The following SLC5A8 variants were observed in gnomAD, a reference collection of about 807,000 sequenced individuals.
SLC5A8 encodes the protein sodium-coupled monocarboxylate transporter 1.
Under a neutral mutation model 71.9 loss-of-function variants are expected in SLC5A8, and 55 were observed. The observed-to-expected ratio is 0.77, with a 90% CI of 0.62 to 0.96. The LOEUF (loss-of-function observed/expected upper bound fraction) is 0.96. Ranked by LOEUF, SLC5A8 falls within the 40% of genes least tolerant of loss-of-function variation. SLC5A8 has a pLI of 0.00. For missense variants in SLC5A8, 701 were observed against 745.3 expected (o/e 0.94, Z 0.69); for synonymous variants, 307 against 276.1 (o/e 1.11, Z -1.11).
chr12:101,158,059 T>C (rs2051683662), intron 14 of SLC5A8, among the ~76,000 whole-genome samples, 190 bp downstream of exon 14: 1 of 152,152 alleles, frequency 6.6e-6, no homozygotes, highest in African/African-American at 2.4e-5. Context: ...TCAGAGGATA[T>C]GGAGCTATAA....
At chr12:101,193,821 C>CA in intron 4 of SLC5A8, 42 bp from the exon 5 acceptor site, 1 of 1,594,906 alleles carries the variant, frequency 6.3e-7, no homozygotes, top group Non-Finnish European at 8.6e-7. Context: ...TTCTATTAGA[C>CA]ATTATTAAGC....
In SLC5A8 at chr12:101,187,368, A is replaced by G. The variant is rs181788493; in HGVS notation, c.963+18T>C. On this transcript the variant is annotated intron_variant, in intron 7 of 14. Coordinates refer to ENST00000536262, the MANE Select transcript of SLC5A8 (RefSeq NM_145913.5). ...TGAATATTATTAATACACCTGTAAGAAAGACATGGTACTGAACCTGGTCTG... is the reference window on the plus strand; with the variant it reads ...TGAATATTATTAATACACCTGTAAGGAAGACATGGTACTGAACCTGGTCTG... The G allele has an allele frequency of 9.7e-4, 1,549 of 1,604,116 alleles. 14 individuals are homozygous for G. The African/African-American group carries it at 0.017, about 17-fold the overall frequency.
At chr12:101,185,736 G>A (rs1443918556) in intron 7 of SLC5A8, among the ~76,000 whole-genome samples, 4 of 151,900 alleles carry the variant, frequency 2.6e-5, no homozygotes, top group East Asian at 3.9e-4. Flanking sequence ...CCACCACCAC[G>A]CCCGGCTAAT....
In SLC5A8 at chr12:101,157,251, T is replaced by C. The variant is rs572841913; in HGVS notation, c.*28A>G. ...GAAAACATATAAAATTGAAACATCA[T>C]TTAAGGATATCTAGTATCAGAGCAG... On this transcript the variant is annotated 3_prime_UTR_variant, in exon 15 of 15. Transcript: ENST00000536262. The C allele has an allele frequency of 1.9e-6, 3 of 1,602,414 alleles. No homozygotes were observed. The South Asian group carries it at 3.3e-5, about 18-fold the overall frequency.
chr12:101,162,308 A>G (rs1406256601), intron 12 of SLC5A8, among the ~76,000 whole-genome samples: 1 of 152,238 alleles, frequency 6.6e-6, no homozygotes, highest in Non-Finnish European at 1.5e-5. Context: ...ATTCTGCATG[A>G]TGTCCCAGGC....
At chr12:101,181,677 A>C (rs1246473330) in intron 9 of SLC5A8, among the ~76,000 whole-genome samples, 1 of 152,226 alleles carries the variant, frequency 6.6e-6, no homozygotes, top group Non-Finnish European at 1.5e-5. Flanking sequence ...GTCTGGCTTC[A>C]AAAGCATCTA....
intron 7 of SLC5A8, among the ~76,000 whole-genome samples, chr12:101,184,496 A>T (rs982934078): frequency 2.0e-5 from 3 of 152,250 alleles, no homozygotes; most frequent in Non-Finnish European, 4.4e-5. Flanking sequence ...GAATAGTTGT[A>T]ATAATACTAA....
chr12:101,187,349 T>G lies in SLC5A8; in HGVS notation c.963+37A>C, dbSNP rs757677243. On this transcript the variant is annotated intron_variant, in intron 7 of 14. Coordinates refer to ENST00000536262, the MANE Select transcript of SLC5A8 (RefSeq NM_145913.5). ...TCTCAACTAATAAGCTTTTTGAATA[T>G]TATTAATACACCTGTAAGAAAGACA... 5.0e-6 allele frequency: 8 copies of G among 1,585,864 alleles called. No individual in the cohort carries two copies. The African/African-American group carries it at 8.1e-5, about 16-fold the overall frequency.
intron 11 of SLC5A8, among the ~76,000 whole-genome samples, chr12:101,167,623 G>T (rs2051785933): frequency 6.6e-6 from 1 of 152,150 alleles, no homozygotes; most frequent in African/African-American, 2.4e-5. Flanking sequence ...ACCCCTTTGG[G>T]GCTAAATCAT....
At chr12:101,175,238 A>T (rs928652475) in intron 10 of SLC5A8, among the ~76,000 whole-genome samples, 1 of 152,152 alleles carries the variant, frequency 6.6e-6, no homozygotes, top group Non-Finnish European at 1.5e-5. Context: ...ACTGAATGAC[A>T]GAACAACAGA....
chr12:101,187,292 C>A, intron 7 of SLC5A8, 94 bp downstream of exon 7: 1 of 1,352,370 alleles, frequency 7.4e-7, no homozygotes, highest in Non-Finnish European at 9.8e-7. Flanking sequence ...GTCCACTTTC[C>A]GTTTCTCTAC....
intron 2 of SLC5A8, 27 bp downstream of exon 2, chr12:101,204,473 A>G (rs1188903342): frequency 6.4e-7 from 1 of 1,570,558 alleles, no homozygotes; most frequent in Non-Finnish European, 8.7e-7. Flanking sequence ...AGCTGACAAA[A>G]GATAAAATAA....
intron 10 of SLC5A8, among the ~76,000 whole-genome samples, chr12:101,175,273 A>G (rs1406192050): frequency 1.3e-5 from 2 of 152,128 alleles, no homozygotes; most frequent in East Asian, 3.8e-4. Flanking sequence ...AACAATAGAG[A>G]GAAATGAAAT....
chr12:101,183,308 G>T (rs1247604608), intron 8 of SLC5A8, among the ~76,000 whole-genome samples: 1 of 152,056 alleles, frequency 6.6e-6, no homozygotes, highest in Non-Finnish European at 1.5e-5. Context: ...ACCTCCCAAA[G>T]TGCTGGGATT....
intron 6 of SLC5A8, 51 bp downstream of exon 6, chr12:101,190,417 A>G (rs1374612920): frequency 1.3e-6 from 2 of 1,573,924 alleles, no homozygotes; most frequent in Non-Finnish European, 1.7e-6. Context: ...GAGTTTCCAT[A>G]AAGACAACTG....
intron 10 of SLC5A8, among the ~76,000 whole-genome samples, chr12:101,179,069 T>G (rs987242339): frequency 1.3e-5 from 2 of 152,156 alleles, no homozygotes; most frequent in Non-Finnish European, 2.9e-5. Context: ...TTCAACATCA[T>G]TAGCCATTAG....
intron 5 of SLC5A8, among the ~76,000 whole-genome samples, chr12:101,191,934 T>C (rs911925923): frequency 1.3e-5 from 2 of 152,232 alleles, no homozygotes; most frequent in Non-Finnish European, 2.9e-5. Context: ...CCAATATATG[T>C]ATCCTTCATA....
At chr12:101,172,501 A>AC (rs1481183473) in intron 10 of SLC5A8, among the ~76,000 whole-genome samples, 1 of 151,976 alleles carries the variant, frequency 6.6e-6, no homozygotes, top group Non-Finnish European at 1.5e-5. Flanking sequence ...AGTAGAGGTC[A>AC]CTCTGCCCTT....
chr12:101,165,883 A>G (rs1360620169), intron 12 of SLC5A8, among the ~76,000 whole-genome samples: 1 of 152,192 alleles, frequency 6.6e-6, no homozygotes. Context: ...TCCACTAAAG[A>G]AAGTCTTGAC....
Sources: allele counts gnomAD v4.1 joint callset (sites outside exome capture counted in the v4.1 genomes callset), GRCh38; gene constraint gnomAD v4.1.1; transcripts MANE v1.5; gene names NCBI Gene and HGNC (gene_info 2026-07-23, HGNC 2026-07-21).